Variants in THSD7B observed in about 807,000 individuals in gnomAD.
THSD7B encodes thrombospondin type 1 domain containing 7B, also known as thrombospondin type-1 domain-containing protein 7B.
THSD7B carries 138 observed loss-of-function variants against 213.6 expected under a neutral mutation model. The observed-to-expected ratio is 0.65, with a 90% CI of 0.56 to 0.74. The LOEUF (loss-of-function observed/expected upper bound fraction) is 0.74, where lower values mean the gene tolerates loss of function less well. Among genes scored for constraint, THSD7B ranks in the 30% least tolerant of loss-of-function variants. THSD7B has a pLI of 0.00. For synonymous variants in THSD7B, 742 were observed against 687.0 expected (o/e 1.08, Z -1.25); for missense variants, 1,931 against 1,991.5 (o/e 0.97, Z 0.58).
At chr2:136,862,290 C>T (rs956844129) in intron 1 of THSD7B, among the ~76,000 whole-genome samples, 2 of 152,156 alleles carry the variant, frequency 1.3e-5, no homozygotes, top group African/African-American at 4.8e-5. Context: ...AATTTCTCCT[C>T]CAGGCCCTGA....
intron 2 of THSD7B, among the ~76,000 whole-genome samples, chr2:137,046,450 C>G (rs1025454598): frequency 6.6e-6 from 1 of 152,026 alleles, no homozygotes; most frequent in African/African-American, 2.4e-5. Flanking sequence ...AGAGACCCAG[C>G]GGGGTGTGGT....
intron 17 of THSD7B, among the ~76,000 whole-genome samples, chr2:137,614,138 A>G (rs1682338763): frequency 6.6e-6 from 1 of 152,088 alleles, no homozygotes; most frequent in African/African-American, 2.4e-5. Context: ...CTTTATATTA[A>G]TATCTAATTA....
intron 12 of THSD7B, among the ~76,000 whole-genome samples, chr2:137,317,062 A>G (rs1392498939): frequency 3.3e-5 from 5 of 152,244 alleles, no homozygotes; most frequent in African/African-American, 9.6e-5. Context: ...TATTCACAGC[A>G]TTAAACTGAT....
At chr2:137,576,798 C>G (rs542407495) in intron 17 of THSD7B, among the ~76,000 whole-genome samples, 4 of 150,524 alleles carry the variant, frequency 2.7e-5, no homozygotes, top group East Asian at 4.0e-4. Flanking sequence ...GAAAAACACC[C>G]CCCCCCCTTT....
At chr2:136,916,318 C>T (rs1684347484) in intron 2 of THSD7B, among the ~76,000 whole-genome samples, 1 of 152,162 alleles carries the variant, frequency 6.6e-6, no homozygotes, top group African/African-American at 2.4e-5. Context: ...GTTCAGATTG[C>T]TCCTTGTGGA....
intron 1 of THSD7B, among the ~76,000 whole-genome samples, chr2:136,867,199 G>C (rs1683347772): frequency 6.6e-6 from 1 of 152,190 alleles, no homozygotes; most frequent in Non-Finnish European, 1.5e-5. Flanking sequence ...TAACATGCTA[G>C]TGTCTCAAGT....
rs1488358314 is a variant in THSD7B, at chr2:137,242,492, C to G, written c.2186C>G (p.Pro729Arg). 1.5e-5 allele frequency: 25 copies of G among 1,613,836 alleles called. No homozygotes were observed. Among genetic ancestry groups the G allele is most frequent in the Non-Finnish European group, 2.0e-5 (24 of 1,179,788 alleles). ...TCTACTCGACCTGAAACTGTGCGCC[C>G]CTGTTTTCTCCCATGCAAAAAAGAC... The part of the protein sequence containing the change: ...PDSTRPETVR[P>R]CFLPCKKDCI... The change falls in exon 10 of 28, where the codon CCC (proline) becomes CGC (arginine). Residue 729 changes from proline (P) to arginine (R), a missense_variant. Physicochemically the swap from Pro to Arg is moderately radical, Grantham distance 103. Transcript: ENST00000409968.
At chr2:137,228,802 G>A (rs1681573960) in intron 7 of THSD7B, among the ~76,000 whole-genome samples, 1 of 152,166 alleles carries the variant, frequency 6.6e-6, no homozygotes, top group Non-Finnish European at 1.5e-5. Flanking sequence ...TGTGTTAATA[G>A]CTCATCTTCA....
chr2:137,019,797 GA>G (rs972918235), intron 2 of THSD7B, among the ~76,000 whole-genome samples: 7 of 152,106 alleles, frequency 4.6e-5, no homozygotes, highest in African/African-American at 1.7e-4. Context: ...CTATAAATGT[GA>G]TTTGATTAAA....
At chr2:137,117,946 C>T (rs1688473515) in intron 5 of THSD7B, among the ~76,000 whole-genome samples, 2 of 152,108 alleles carry the variant, frequency 1.3e-5, no homozygotes, top group African/African-American at 4.8e-5. Context: ...CCTCACTGAA[C>T]CTCAATTCAG....
At chr2:137,337,662 A>G (rs567489670) in intron 12 of THSD7B, among the ~76,000 whole-genome samples, 1 of 152,150 alleles carries the variant, frequency 6.6e-6, no homozygotes, top group East Asian at 1.9e-4. Context: ...TTACCCACAA[A>G]ATTTATAAAT....
chr2:136,947,530 C>A (rs918685389), intron 2 of THSD7B, among the ~76,000 whole-genome samples: 1 of 152,106 alleles, frequency 6.6e-6, no homozygotes, highest in Admixed American at 6.5e-5. Context: ...GAGCTTAAAT[C>A]TAAACATTTC....
chr2:137,587,752 C>G (rs558070508), intron 17 of THSD7B, among the ~76,000 whole-genome samples: 2 of 152,224 alleles, frequency 1.3e-5, no homozygotes, highest in Non-Finnish European at 2.9e-5. Flanking sequence ...CCCTACTGGG[C>G]AGTTCCTCCC....
chr2:137,137,266 CA>C (rs1197471521), intron 5 of THSD7B, among the ~76,000 whole-genome samples: 1 of 152,154 alleles, frequency 6.6e-6, no homozygotes, highest in Non-Finnish European at 1.5e-5. Context: ...CGCCCCTTCC[CA>C]GTTAACTCAT....
At chr2:137,422,342 C>T (rs1686946702) in intron 14 of THSD7B, among the ~76,000 whole-genome samples, 3 of 152,184 alleles carry the variant, frequency 2.0e-5, no homozygotes, top group African/African-American at 7.2e-5. Context: ...TTGGGCATCC[C>T]CTTGTCTCCA....
Position 137,038,772 on chromosome 2 carries a change from G to A in THSD7B, c.140-17648G>A, listed in dbSNP as rs375786515. 9.2e-5 allele frequency among the ~76,000 whole-genome samples: 14 copies of A among 152,334 alleles called. No homozygotes were observed. In the South Asian group the frequency reaches 1.0e-3, roughly 11 times the overall value. On this transcript the variant is annotated intron_variant, in intron 2 of 27. Coordinates refer to ENST00000409968, the MANE Select transcript of THSD7B (RefSeq NM_001316349.2). ...CATTCACCTTGGCTCTGCATAGCAG[G>A]CTATAGTGGGGAGCTGGCTGTCAAC... is the stretch of plus-strand genomic sequence containing the variant.
chr2:137,405,855 T>G, intron 13 of THSD7B, 48 bp downstream of exon 13: 3 of 1,504,330 alleles, frequency 2.0e-6, no homozygotes, highest in Non-Finnish European at 2.7e-6. Flanking sequence ...TGAACATCTC[T>G]GGATCTTTTG....
rs2105059953 is a variant in THSD7B at position 136,940,954 on chromosome 2, T to C, written c.139+58637T>C. Among the ~76,000 whole-genome samples, 4 of 151,654 alleles carry C rather than the reference T, an allele frequency of 2.6e-5. No homozygotes were observed. In the South Asian group the frequency reaches 8.4e-4, roughly 32 times the overall value. On this transcript the variant is annotated intron_variant, in intron 2 of 27. Transcript: ENST00000409968. ...ATGTGCTATGTTGGTTTGTTGCACCTACTAACTCATCACTTACATTGGGTA... is the reference window on the plus strand; with the variant it reads ...ATGTGCTATGTTGGTTTGTTGCACCCACTAACTCATCACTTACATTGGGTA...
rs547606383 is a variant in THSD7B at position 137,491,807 on chromosome 2, A to G, written c.3138+40784A>G. On this transcript the variant is annotated intron_variant, in intron 15 of 27. Coordinates refer to ENST00000409968, the MANE Select transcript of THSD7B (RefSeq NM_001316349.2). ...AAGCCATTTAAGAGGACAAATTGGG[A>G]AAAAAAATTCTGGAAAGAGATGAAT... 4.6e-5 allele frequency among the ~76,000 whole-genome samples: 7 copies of G among 152,178 alleles called. No individual in the cohort carries two copies. In the East Asian group the frequency reaches 1.2e-3, roughly 25 times the overall value.
Sources: allele counts gnomAD v4.1 joint callset (sites outside exome capture counted in the v4.1 genomes callset), GRCh38; gene constraint gnomAD v4.1.1; transcripts MANE v1.5; gene names NCBI Gene and HGNC (gene_info 2026-07-23, HGNC 2026-07-21).